The following CBFA2T2 variants were observed in gnomAD, a reference collection of about 807,000 sequenced individuals.
CBFA2T2 encodes the protein CBFA2/RUNX1 partner transcriptional co-repressor 2, also known as protein CBFA2T2.
A neutral mutation model predicts 62.2 loss-of-function variants in CBFA2T2; 11 were observed. The observed-to-expected ratio is 0.18, with a 90% CI of 0.11 to 0.29. The LOEUF is 0.29. CBFA2T2 is among the 10% of genes least tolerant of loss of function. The pLI, the probability that CBFA2T2 is intolerant of heterozygous loss-of-function variation, is 1.00. For missense variants in CBFA2T2, 592 were observed against 774.1 expected, an observed-to-expected ratio of 0.76 and a Z score of 2.79; for synonymous variants, 295 against 287.5, an observed-to-expected ratio of 1.03 and a Z score of -0.27.
intron 5 of CBFA2T2, chr20:33,623,661 A>T (rs1026870224): frequency 1.6e-6 from 1 of 640,766 alleles, no homozygotes; most frequent in Non-Finnish European, 2.8e-6. Context: ...AGCTCAAGAG[A>T]TCTGCCCGCC....
At chr20:33,581,993 A>G (rs1169505439) in intron 1 of CBFA2T2, among the ~76,000 whole-genome samples, 2 of 152,204 alleles carry the variant, frequency 1.3e-5, no homozygotes, top group Admixed American at 6.5e-5. Context: ...AGATGATGTA[A>G]TAATCATCTG....
In CBFA2T2 at chr20:33,549,505, G is replaced by A. The variant is rs141364349; in HGVS notation, c.35-57451G>A. Among the ~76,000 whole-genome samples the A allele has an allele frequency of 4.8e-3, 737 of 152,262 alleles. 9 individuals are homozygous for A. Among genetic ancestry groups the A allele is most frequent in the African/African-American group, 0.016 (681 of 41,552 alleles). On this transcript the variant is annotated intron_variant, in intron 1 of 10. Transcript: ENST00000342704. Reference sequence around the variant, plus strand: ...CTAAATTAAAGAAGCCACAAAAGATGACATATCCTTTCATTTATGTGAAAT... The same window carrying A: ...CTAAATTAAAGAAGCCACAAAAGATAACATATCCTTTCATTTATGTGAAAT...
chr20:33,503,317 C>T (rs1182923498), intron 1 of CBFA2T2, among the ~76,000 whole-genome samples: 1 of 140,146 alleles, frequency 7.1e-6, no homozygotes, highest in Admixed American at 7.6e-5. Flanking sequence ...TGCAGTGGCG[C>T]AATCTCAGCT....
intron 1 of CBFA2T2, among the ~76,000 whole-genome samples, chr20:33,582,042 C>T (rs1167123873): frequency 6.6e-6 from 1 of 152,112 alleles, no homozygotes; most frequent in African/African-American, 2.4e-5. Context: ...TAAATCTTCC[C>T]TTTTTTGTCC....
chr20:33,535,611 T>TTA, intron 1 of CBFA2T2, among the ~76,000 whole-genome samples: 1 of 146,592 alleles, frequency 6.8e-6, no homozygotes, highest in African/African-American at 2.6e-5. Context: ...TATTTTTATT[T>TTA]TTTTATTTTT....
intron 1 of CBFA2T2, among the ~76,000 whole-genome samples, chr20:33,539,669 G>T (rs1309511619): frequency 6.7e-6 from 1 of 149,348 alleles, no homozygotes; most frequent in Non-Finnish European, 1.5e-5. Flanking sequence ...GCGAAGTAAG[G>T]TTTTTTTTGT....
rs74821651 is a variant in CBFA2T2, at chr20:33,589,609, C to T, written c.35-17347C>T. On this transcript the variant is annotated intron_variant, in intron 1 of 10. Coordinates refer to ENST00000342704, the MANE Select transcript of CBFA2T2 (RefSeq NM_001032999.3). ...TCTTTTTATTTCATTTGATTGTAAA[C>T]AGCAACTCTGGCAGCTGGGCAATAT... Among the ~76,000 whole-genome samples the T allele has an allele frequency of 3.7e-3, 565 of 152,194 alleles. 4 individuals are homozygous for T. Among genetic ancestry groups the T allele is most frequent in the Middle Eastern group, 0.01 (3 of 294 alleles).
intron 1 of CBFA2T2, among the ~76,000 whole-genome samples, chr20:33,515,622 C>G (rs1400686209): frequency 6.6e-6 from 1 of 151,210 alleles, no homozygotes; most frequent in Non-Finnish European, 1.5e-5. Flanking sequence ...ACAAACATGG[C>G]GAAACCCTGT....
At chr20:33,607,181 T>TA (rs768322048) in intron 2 of CBFA2T2, 82 bp downstream of exon 2, 63 of 1,284,526 alleles carry the variant, frequency 4.9e-5, no homozygotes, top group Non-Finnish European at 6.5e-5. Flanking sequence ...GCGTTCCACA[T>TA]ATATTATTCA....
chr20:33,515,812 A>C (rs940788880), intron 1 of CBFA2T2, among the ~76,000 whole-genome samples: 3 of 151,654 alleles, frequency 2.0e-5, no homozygotes, highest in Non-Finnish European at 4.4e-5. Context: ...AAAAAAAAAA[A>C]AAAAAAAAAC....
intron 9 of CBFA2T2, 108 bp from the exon 10 acceptor site, chr20:33,640,233 G>T (rs2016778517): frequency 2.9e-6 from 3 of 1,022,704 alleles, no homozygotes; most frequent in Non-Finnish European, 2.9e-6. Context: ...TCCCTGTGGA[G>T]TTTTAGAAAA....
chr20:33,564,664 C>T (rs1167215385), intron 1 of CBFA2T2, among the ~76,000 whole-genome samples: 2 of 152,084 alleles, frequency 1.3e-5, no homozygotes, highest in Middle Eastern at 3.2e-3. Context: ...CTACAGCCTT[C>T]ACTCTTCCGG....
intron 1 of CBFA2T2, among the ~76,000 whole-genome samples, chr20:33,527,647 A>G (rs949186100): frequency 6.6e-6 from 1 of 151,954 alleles, no homozygotes; most frequent in Non-Finnish European, 1.5e-5. Flanking sequence ...TGCTGGGATT[A>G]TGGGAGTGAG....
At chr20:33,504,956 T>C (rs1444859500) in intron 1 of CBFA2T2, among the ~76,000 whole-genome samples, 3 of 152,192 alleles carry the variant, frequency 2.0e-5, no homozygotes, top group Non-Finnish European at 4.4e-5. Flanking sequence ...TTATATTCTT[T>C]TGGGGTTAGT....
At chr20:33,641,664 A>G (rs1479287815) in intron 10 of CBFA2T2, among the ~76,000 whole-genome samples, 4 of 151,974 alleles carry the variant, frequency 2.6e-5, no homozygotes, top group Non-Finnish European at 5.9e-5. Context: ...GCTCACCGCA[A>G]CCTCTACCTC....
chr20:33,609,582 G>A (rs553815533), intron 2 of CBFA2T2, among the ~76,000 whole-genome samples: 54 of 152,278 alleles, frequency 3.5e-4, no homozygotes, highest in African/African-American at 1.3e-3. Context: ...ACCTTCAAGC[G>A]GAGCAACAGC....
chr20:33,521,681 T>TAAGG (rs2011732910), intron 1 of CBFA2T2, among the ~76,000 whole-genome samples: 1 of 152,136 alleles, frequency 6.6e-6, no homozygotes, highest in South Asian at 2.1e-4. Context: ...CTGGTGAGAC[T>TAAGG]AAGGAGAAGA....
intron 1 of CBFA2T2, among the ~76,000 whole-genome samples, chr20:33,579,574 A>G (rs1271365461): frequency 1.0e-5 from 1 of 98,134 alleles, no homozygotes; most frequent in Admixed American, 1.1e-4. Flanking sequence ...TTTTTTTTGT[A>G]TGGAGTGAGA....
chr20:33,606,334 A>T (rs2015338615), intron 1 of CBFA2T2, among the ~76,000 whole-genome samples: 1 of 152,224 alleles, frequency 6.6e-6, no homozygotes, highest in Non-Finnish European at 1.5e-5. Context: ...CTTTCAGTTC[A>T]CATCACCTCT....
Sources: gnomAD v4.1 joint callset for allele counts (sites outside exome capture counted in the v4.1 genomes callset) on GRCh38, gnomAD v4.1.1 for gene constraint, MANE v1.5 for transcripts, NCBI Gene and HGNC (gene_info 2026-07-23, HGNC 2026-07-21) for gene names.